Variants in RBM6 observed in about 807,000 individuals in gnomAD.
RBM6 encodes the protein RNA binding motif protein 6, also known as RNA-binding protein 6.
In RBM6, 23 loss-of-function variants were observed where a neutral mutation model predicts 140.4. The ratio of observed to expected loss-of-function variants is 0.16; its 90% CI spans 0.12 to 0.23. RBM6 has a LOEUF of 0.23. RBM6 is among the 10% of genes least tolerant of loss of function. The pLI is 1.00. For missense variants in RBM6, 1,139 were observed against 1,386.7 expected (o/e 0.82, Z 2.84); for synonymous variants, 439 against 475.6 (o/e 0.92, Z 1.00).
At chr3:50,005,645 ACTT>A (rs2086537055) in intron 6 of RBM6, among the ~76,000 whole-genome samples, 1 of 152,236 alleles carries the variant, frequency 6.6e-6, no homozygotes, top group Non-Finnish European at 1.5e-5. Flanking sequence ...ACACTTTAGT[ACTT>A]AAATTGTGTG....
intron 1 of RBM6, among the ~76,000 whole-genome samples, chr3:49,958,802 G>A (rs907920381): frequency 2.4e-5 from 1 of 42,074 alleles, no homozygotes; most frequent in African/African-American, 8.4e-5. Flanking sequence ...TTTTTTTTTT[G>A]TAAAAATGGA....
chr3:49,958,170 A>G (rs139125439), intron 1 of RBM6, among the ~76,000 whole-genome samples: 11,449 of 152,164 alleles, frequency 0.075, 656 homozygotes, highest in Non-Finnish European at 0.12. Flanking sequence ...TCACGCCTGT[A>G]ATCCCGACAC....
intron 1 of RBM6, among the ~76,000 whole-genome samples, chr3:49,952,374 C>T (rs2083774461): frequency 6.6e-6 from 1 of 151,876 alleles, no homozygotes; most frequent in South Asian, 2.1e-4. Context: ...GCATGTTGGC[C>T]AGGCTGGTCT....
At chr3:50,031,651 G>A (rs2088173642) in intron 6 of RBM6, among the ~76,000 whole-genome samples, 1 of 151,924 alleles carries the variant, frequency 6.6e-6, no homozygotes, top group Admixed American at 6.6e-5. Flanking sequence ...AATGGGTGCA[G>A]CACACCAACA....
intron 1 of RBM6, among the ~76,000 whole-genome samples, chr3:49,946,991 G>A (rs1320389102): frequency 6.7e-6 from 1 of 149,080 alleles, no homozygotes; most frequent in Non-Finnish European, 1.5e-5. Context: ...CTCTTTTGGA[G>A]AAGTATCTAT....
At chr3:50,073,259 A>T (rs2090361238) in intron 19 of RBM6, among the ~76,000 whole-genome samples, 1 of 152,218 alleles carries the variant, frequency 6.6e-6, no homozygotes, top group African/African-American at 2.4e-5. Context: ...TGGGTAATTT[A>T]TAATGAACAG....
intron 7 of RBM6, among the ~76,000 whole-genome samples, chr3:50,052,344 C>T (rs1227722922): frequency 6.6e-6 from 1 of 152,180 alleles, no homozygotes; most frequent in Non-Finnish European, 1.5e-5. Flanking sequence ...GGATTACTGG[C>T]ATGAGCCATC....
chr3:50,074,462 C>T (rs956139887), intron 19 of RBM6, among the ~76,000 whole-genome samples: 18 of 152,020 alleles, frequency 1.2e-4, no homozygotes, highest in Non-Finnish European at 2.1e-4. Flanking sequence ...GCTAGGATTA[C>T]AGGCATGCGC....
At chr3:49,994,695 T>TGTGTGTGTGTGTGTGTGTGTGTGTG (rs1553646032) in intron 5 of RBM6, among the ~76,000 whole-genome samples, 1 of 151,712 alleles carries the variant, frequency 6.6e-6, no homozygotes, top group African/African-American at 2.4e-5. Flanking sequence ...TGTGTGTGTG[T>TGTGTGTGTGTGTGTGTGTGTGTGTG]TTTCCTCTCA....
chr3:49,983,197 T>A (rs1344426750), intron 5 of RBM6, among the ~76,000 whole-genome samples: 4 of 152,222 alleles, frequency 2.6e-5, no homozygotes, highest in Non-Finnish European at 5.9e-5. Context: ...TTATTCACAA[T>A]TTAAATATTT....
At chr3:49,968,770 CTTTTTTTTTTTT>C (rs569224640) in intron 3 of RBM6, 22 bp downstream of exon 3, 8,122 of 693,780 alleles carry the variant, frequency 0.012, 20 homozygotes, top group Middle Eastern at 0.017. Flanking sequence ...GGGTGGATTG[CTTTTTTTTTTTT>C]TTTTTTTTTT....
intron 6 of RBM6, among the ~76,000 whole-genome samples, chr3:50,039,916 G>T (rs2088781023): frequency 6.6e-6 from 1 of 152,118 alleles, no homozygotes; most frequent in Admixed American, 6.5e-5. Flanking sequence ...AAATACAAAT[G>T]TAATGGAACC....
chr3:50,054,247 T>A, intron 7 of RBM6, 88 bp from the exon 8 acceptor site: 1 of 1,097,228 alleles, frequency 9.1e-7, no homozygotes, highest in Non-Finnish European at 1.4e-6. Flanking sequence ...GGCTTGTTTC[T>A]TTCATTTTTG....
intron 1 of RBM6, among the ~76,000 whole-genome samples, chr3:49,957,290 T>C (rs1010697190): frequency 2.6e-5 from 4 of 151,906 alleles, no homozygotes; most frequent in African/African-American, 7.2e-5. Context: ...GTTTTGACTT[T>C]CTTCTCATTT....
intron 5 of RBM6, among the ~76,000 whole-genome samples, chr3:49,985,085 T>C (rs1380232295): frequency 6.6e-6 from 1 of 152,202 alleles, no homozygotes; most frequent in Non-Finnish European, 1.5e-5. Context: ...AATGCTCAGG[T>C]AGCCTTGGCT....
intron 6 of RBM6, among the ~76,000 whole-genome samples, chr3:50,039,419 A>G (rs571024447): frequency 6.0e-5 from 9 of 151,010 alleles, no homozygotes; most frequent in African/African-American, 1.7e-4. Flanking sequence ...TTGTACTTGT[A>G]GTAGAGACAG....
intron 16 of RBM6, among the ~76,000 whole-genome samples, chr3:50,065,907 C>T (rs1476089869): frequency 6.6e-6 from 1 of 152,204 alleles, no homozygotes; most frequent in Non-Finnish European, 1.5e-5. Flanking sequence ...TTTCTTCCCT[C>T]CATGAGTTAC....
chr3:49,948,827 A>G (rs755686032), intron 1 of RBM6, among the ~76,000 whole-genome samples: 16 of 98,892 alleles, frequency 1.6e-4, no homozygotes, highest in South Asian at 3.1e-4. Flanking sequence ...TACATACCCA[A>G]TTTTTTTTTT....
intron 6 of RBM6, among the ~76,000 whole-genome samples, chr3:50,031,251 T>C: frequency 6.6e-6 from 1 of 152,212 alleles, no homozygotes; most frequent in Non-Finnish European, 1.5e-5. Context: ...CAAAGGATTA[T>C]AAATCATGCT....
Sources: allele counts gnomAD v4.1 joint callset (sites outside exome capture counted in the v4.1 genomes callset), GRCh38; gene constraint gnomAD v4.1.1; transcripts MANE v1.5; gene names NCBI Gene and HGNC (gene_info 2026-07-23, HGNC 2026-07-21).